The following THOC5 variants were observed in gnomAD, a reference collection of about 807,000 sequenced individuals.
THOC5 encodes Fms-interacting protein.
A neutral mutation model predicts 92.9 loss-of-function variants in THOC5; 43 were observed. The observed-to-expected ratio is 0.46, with a 90% confidence interval of 0.36 to 0.60. The LOEUF (loss-of-function observed/expected upper bound fraction) is 0.60. Ranked by LOEUF, THOC5 falls within the 20% of genes least tolerant of loss-of-function variation. The pLI, the probability that THOC5 is intolerant of heterozygous loss-of-function variation, is 0.00. For synonymous variants in THOC5, 296 were observed against 320.1 expected, an observed-to-expected ratio of 0.92 and a Z score of 0.80; for missense variants, 659 against 849.4, an observed-to-expected ratio of 0.78 and a Z score of 2.79.
chr22:29,524,139 T>C (rs149075425), intron 12 of THOC5, among the ~76,000 whole-genome samples: 3 of 152,336 alleles, frequency 2.0e-5, no homozygotes, highest in African/African-American at 4.8e-5. Flanking sequence ...TCCTCCCTGT[T>C]TGGGGGTCAG....
chr22:29,510,889 A>G (rs1241561044), intron 19 of THOC5, among the ~76,000 whole-genome samples: 1 of 152,178 alleles, frequency 6.6e-6, no homozygotes, highest in Admixed American at 6.6e-5. Flanking sequence ...TTTCCACAGA[A>G]AGTATAGAAA....
intron 3 of THOC5, among the ~76,000 whole-genome samples, chr22:29,543,819 C>T (rs1161236762): frequency 1.3e-5 from 2 of 152,148 alleles, no homozygotes; most frequent in Non-Finnish European, 1.5e-5. Flanking sequence ...ACAGATCCTA[C>T]ACAGAGATCC....
intron 17 of THOC5, among the ~76,000 whole-genome samples, chr22:29,515,709 T>C (rs1209096482): frequency 1.3e-5 from 2 of 149,862 alleles, no homozygotes; most frequent in African/African-American, 4.9e-5. Flanking sequence ...TGCACATTTG[T>C]AGCCCCAGCT....
In THOC5 at chr22:29,521,902, G is replaced by A. The variant is rs556848478; in HGVS notation, c.1176-803C>T. ...AGGAGCAACTTGGGCAGCACGTGCCGGTCCTGCGTTTTGGCCCCAGCATGC... is the reference window on the plus strand; with the variant it reads ...AGGAGCAACTTGGGCAGCACGTGCCAGTCCTGCGTTTTGGCCCCAGCATGC... On this transcript the variant is annotated intron_variant, in intron 12 of 19. Coordinates refer to ENST00000490103, the MANE Select transcript of THOC5 (RefSeq NM_003678.5). Among the ~76,000 whole-genome samples, 165 of 152,204 alleles carry A rather than the reference G, an allele frequency of 1.1e-3. 1 individual carries two copies. Among genetic ancestry groups the A allele is most frequent in the African/African-American group, 3.8e-3 (156 of 41,536 alleles).
At chr22:29,533,421 T>C (rs1488331710) in intron 7 of THOC5, among the ~76,000 whole-genome samples, 1 of 152,184 alleles carries the variant, frequency 6.6e-6, no homozygotes, top group Non-Finnish European at 1.5e-5. Context: ...CAATAAATGG[T>C]CAGCTAAATA....
At chr22:29,509,200 C>T (rs755924598) in intron 19 of THOC5, among the ~76,000 whole-genome samples, 3 of 147,430 alleles carry the variant, frequency 2.0e-5, no homozygotes, top group Non-Finnish European at 3.0e-5. Flanking sequence ...GTCCTTTGGC[C>T]GGGAGGTGGA....
Position 29,543,618 on chromosome 22 carries a change from CA to C in THOC5, c.241-77del, listed in dbSNP as rs369181822. On this transcript the variant is annotated intron_variant, in intron 3 of 19. Coordinates refer to ENST00000490103, the MANE Select transcript of THOC5 (RefSeq NM_003678.5). ...TTCCTTCAGTCCTTCACCACTGACC[CA>C]TCCTCATCTGGGGCCAAAAACGGCA... The C allele has an allele frequency of 1.3e-5, 15 of 1,119,756 alleles. No individual in the cohort carries two copies. In the African/African-American group the frequency reaches 2.4e-4, roughly 18 times the overall value. 69.4% of individuals were successfully genotyped at this position (1,119,756 alleles called of 1,614,324 possible).
Position 29,508,281 on chromosome 22 carries a change from C to T in THOC5, c.*176G>A. ...TGTGTCACAGCTCCCACCTGCCCTT[C>T]CAGACTGCAAAGCCACCTTGCCAGG... On this transcript the variant is annotated 3_prime_UTR_variant, in exon 20 of 20. Coordinates refer to ENST00000490103, the MANE Select transcript of THOC5 (RefSeq NM_003678.5). The T allele has an allele frequency of 1.6e-6, 1 of 639,174 alleles. No homozygotes were observed. The highest frequency in any genetic ancestry group is 2.0e-5 in the South Asian group (1 of 50,820). The allele number at this position is 639,174 out of a possible 1,614,324, so 39.6% of individuals were successfully genotyped here.
At chr22:29,513,036 T>A (rs2063255246) in intron 17 of THOC5, among the ~76,000 whole-genome samples, 1 of 152,120 alleles carries the variant, frequency 6.6e-6, no homozygotes, top group Non-Finnish European at 1.5e-5. Flanking sequence ...ACACAATTCT[T>A]CCCTAACAGT....
At chr22:29,551,227 A>T (rs1490463551) in intron 1 of THOC5, among the ~76,000 whole-genome samples, 1 of 152,080 alleles carries the variant, frequency 6.6e-6, no homozygotes, top group East Asian at 1.9e-4. Flanking sequence ...TGAGGTCAGG[A>T]GTTTGAGACC....
intron 14 of THOC5, among the ~76,000 whole-genome samples, chr22:29,519,426 C>A (rs2063396042): frequency 6.6e-6 from 1 of 152,212 alleles, no homozygotes; most frequent in South Asian, 2.1e-4. Flanking sequence ...CACACAAGAA[C>A]AAGGGCAGCA....
At position 29,525,957 on chromosome 22, in the gene THOC5, G is replaced by A. The variant is rs76649729; in HGVS notation, c.1067-11C>T. 4 of 1,594,300 alleles carry A rather than the reference G, an allele frequency of 2.5e-6. No homozygotes were observed. The highest frequency in any genetic ancestry group is 1.7e-6 in the Non-Finnish European group (2 of 1,163,618). On this transcript the variant is annotated splice_polypyrimidine_tract_variant and intron_variant, in intron 11 of 19. Transcript: ENST00000490103. The stretch of plus-strand genomic sequence containing the variant: ...GAAGCACACTGTCATCTGGAGGGGA[G>A]GAAGATGAGAGAATTTATGAGTCAA...
At chr22:29,538,472 AT>A (rs2063805907) in intron 6 of THOC5, among the ~76,000 whole-genome samples, 1 of 152,134 alleles carries the variant, frequency 6.6e-6, no homozygotes, top group African/African-American at 2.4e-5. Flanking sequence ...AATTAGATTT[AT>A]GGTACAAAAG....
rs2063156763 is a variant in THOC5, at chr22:29,508,237, T to C, written c.*220A>G. ...ATTGGCTGCTGAGAAAAAGTCTCTC[T>C]ACAAATGCTTTTTCACACTGTGTCA... On this transcript the variant is annotated 3_prime_UTR_variant, in exon 20 of 20. Coordinates refer to ENST00000490103, the MANE Select transcript of THOC5 (RefSeq NM_003678.5). The C allele has an allele frequency of 3.4e-6, 2 of 581,100 alleles. No homozygotes were observed. The highest frequency in any genetic ancestry group is 2.2e-5 in the South Asian group (1 of 46,428). The allele number at this position is 581,100 out of a possible 1,614,324, so 36.0% of individuals were successfully genotyped here.
At chr22:29,516,906 A>G in intron 17 of THOC5, 123 bp downstream of exon 17, 1 of 861,520 alleles carries the variant, frequency 1.2e-6, no homozygotes, top group Non-Finnish European at 1.9e-6. Flanking sequence ...GGCTCTCACG[A>G]TCATTATTAT....
intron 1 of THOC5, among the ~76,000 whole-genome samples, chr22:29,552,920 T>A (rs1237571941): frequency 6.6e-6 from 1 of 152,244 alleles, no homozygotes; most frequent in African/African-American, 2.4e-5. Flanking sequence ...CTTGGGATGC[T>A]GTTGGTCTAT....
chr22:29,551,877 A>C (rs2064155781), intron 1 of THOC5, among the ~76,000 whole-genome samples: 1 of 139,618 alleles, frequency 7.2e-6, no homozygotes, highest in Non-Finnish European at 1.5e-5. Context: ...GCTCACTGGA[A>C]CCTCTCTGCC....
At chr22:29,546,026 G>A (rs1223387430) in intron 2 of THOC5, among the ~76,000 whole-genome samples, 2 of 152,224 alleles carry the variant, frequency 1.3e-5, no homozygotes, top group Admixed American at 6.5e-5. Context: ...AAATCCAGGC[G>A]GAGGTTCCCA....
At chr22:29,552,344 GTC>G (rs1323061254) in intron 1 of THOC5, among the ~76,000 whole-genome samples, 1 of 151,304 alleles carries the variant, frequency 6.6e-6, no homozygotes, top group Non-Finnish European at 1.5e-5. Context: ...AGTGAGGAGT[GTC>G]TCTGCCCGGC....
Sources: gnomAD v4.1 joint callset for allele counts (sites outside exome capture counted in the v4.1 genomes callset) on GRCh38, gnomAD v4.1.1 for gene constraint, MANE v1.5 for transcripts, NCBI Gene and HGNC (gene_info 2026-07-23, HGNC 2026-07-21) for gene names.